The following LAMA3 variants were observed in gnomAD, a reference collection of about 807,000 sequenced individuals.
The protein encoded by LAMA3 is laminin subunit alpha 3.
In LAMA3, 281 loss-of-function variants were observed where a neutral mutation model predicts 402.0. The ratio of observed to expected loss-of-function variants is 0.70; its 90% CI spans 0.63 to 0.77. The LOEUF is 0.77. Ranked by LOEUF, LAMA3 falls within the 30% of genes least tolerant of loss-of-function variation. The probability of loss-of-function intolerance (pLI) is 0.00; values close to 1 mark genes in which losing one functional copy is unlikely to be tolerated. For missense variants in LAMA3, 3,840 were observed against 4,215.5 expected (o/e 0.91, Z 2.47); for synonymous variants, 1,431 against 1,558.4 (o/e 0.92, Z 1.93).
rs371234006 is a variant in LAMA3 at position 23,928,094 on chromosome 18, C to G, written c.8178-29C>G. On this transcript the variant is annotated intron_variant, in intron 62 of 74. Coordinates refer to ENST00000313654, the MANE Select transcript of LAMA3 (RefSeq NM_198129.4). The stretch of plus-strand genomic sequence containing the variant: ...TTCACGTGAGCCTGACATGATCCAT[C>G]TCTTCCTTTTATCTGTGTTCGTAAT... 9 of 1,478,816 alleles carry G rather than the reference C, an allele frequency of 6.1e-6. No individual in the cohort carries two copies. The African/African-American group carries it at 6.9e-5, about 11-fold the overall frequency. The allele number at this position is 1,478,816 out of a possible 1,614,324, so 91.6% of individuals were successfully genotyped here. A position where few individuals can be genotyped will look rare whatever the true frequency, so the allele number is the denominator to read the frequency against.
chr18:23,773,315 T>G (rs1490470858), intron 8 of LAMA3, among the ~76,000 whole-genome samples, 182 bp from the exon 9 acceptor site: 1 of 152,250 alleles, frequency 6.6e-6, no homozygotes, highest in African/African-American at 2.4e-5. Context: ...GAGCCAAGAT[T>G]AAGCCAATCC....
chr18:23,746,496 G>C (rs2061653337), intron 2 of LAMA3, among the ~76,000 whole-genome samples: 1 of 152,300 alleles, frequency 6.6e-6, no homozygotes, highest in African/African-American at 2.4e-5. Context: ...GAATGAAGAA[G>C]CAGGTGTGGG....
chr18:23,804,667 C>G (rs1466124186), intron 12 of LAMA3, among the ~76,000 whole-genome samples: 1 of 152,196 alleles, frequency 6.6e-6, no homozygotes, highest in African/African-American at 2.4e-5. Flanking sequence ...TGTTTGCCCC[C>G]TCCAAACCTC....
rs112846198 is a variant in LAMA3 at position 23,901,836 on chromosome 18, A to G, written c.6201+513A>G. 1.3e-3 allele frequency among the ~76,000 whole-genome samples: 191 copies of G among 152,256 alleles called. 1 individual carries two copies. Among genetic ancestry groups the G allele is most frequent in the African/African-American group, 4.1e-3 (171 of 41,560 alleles). ...GATTTTGCAGTTCATATATACATATATTTGGCGCCACCACGCCTGGCTAAT... is the reference window on the plus strand; with the variant it reads ...GATTTTGCAGTTCATATATACATATGTTTGGCGCCACCACGCCTGGCTAAT... On this transcript the variant is annotated intron_variant, in intron 48 of 74. Coordinates refer to ENST00000313654, the MANE Select transcript of LAMA3 (RefSeq NM_198129.4).
intron 40 of LAMA3, 28 bp from the exon 41 acceptor site, chr18:23,884,745 A>G (rs774572614): frequency 3.8e-6 from 6 of 1,586,344 alleles, no homozygotes; most frequent in Admixed American, 3.3e-5. Context: ...TGTGTTTTTG[A>G]TGGGGCCTTT....
intron 2 of LAMA3, among the ~76,000 whole-genome samples, chr18:23,745,733 T>G (rs1466721038): frequency 6.6e-6 from 1 of 152,260 alleles, no homozygotes; most frequent in East Asian, 1.9e-4. Flanking sequence ...TAACATGGTA[T>G]GTGGAAAGAC....
At chr18:23,794,399 A>G (rs2062722935) in intron 12 of LAMA3, among the ~76,000 whole-genome samples, 1 of 152,208 alleles carries the variant, frequency 6.6e-6, no homozygotes, top group Non-Finnish European at 1.5e-5. Flanking sequence ...GCTATATATC[A>G]TGATACCACA....
chr18:23,869,294 G>A (rs1205063525), intron 37 of LAMA3, among the ~76,000 whole-genome samples: 1 of 152,198 alleles, frequency 6.6e-6, no homozygotes, highest in African/African-American at 2.4e-5. Flanking sequence ...TAGAAACAAA[G>A]TTTTTGTATA....
chr18:23,928,586 A>T (rs774181169), intron 63 of LAMA3, 39 bp from the exon 64 acceptor site: 1 of 1,606,218 alleles, frequency 6.2e-7, no homozygotes, highest in Non-Finnish European at 8.5e-7. Context: ...CCAAGAAATG[A>T]TTACAATGCC....
chr18:23,689,955 C>G lies in LAMA3; in HGVS notation c.272C>G (p.Pro91Arg). 6.6e-7 allele frequency: 1 copy of G among 1,517,196 alleles called. No homozygotes were observed. Among genetic ancestry groups the G allele is most frequent in the Non-Finnish European group, 8.8e-7 (1 of 1,132,158 alleles). The allele number at this position is 1,517,196 out of a possible 1,614,324, so 94.0% of individuals were successfully genotyped here. A position where few individuals can be genotyped will look rare whatever the true frequency, so the allele number is the denominator to read the frequency against. ...AAGTTGGTCGGGGGCCCCACCGCCC[C>G]AGGCAGCGGCCACACCATCCAGGTG... ...YCKLVGGPTAPGSGHTIQGQF... is the reference protein window; with the variant it reads ...YCKLVGGPTARGSGHTIQGQF... Residue 91 changes from proline to arginine, a missense_variant, in exon 1 of 75, where the codon CCA (proline) becomes CGA (arginine). Transcript: ENST00000313654.
chr18:23,873,641 A>G (rs547239116), intron 38 of LAMA3, among the ~76,000 whole-genome samples: 11 of 152,242 alleles, frequency 7.2e-5, no homozygotes, highest in African/African-American at 1.4e-4. Flanking sequence ...AAGTTTGCAT[A>G]ATACCTAAAA....
At chr18:23,780,825 C>T (rs1481380272) in intron 11 of LAMA3, among the ~76,000 whole-genome samples, 2 of 152,118 alleles carry the variant, frequency 1.3e-5, no homozygotes, top group African/African-American at 4.8e-5. Flanking sequence ...TGAAGGACTT[C>T]GTATTCTGTC....
At chr18:23,709,732 G>T in intron 1 of LAMA3, 1 of 484,328 alleles carries the variant, frequency 2.1e-6, no homozygotes, top group South Asian at 1.9e-5. Context: ...GAAGTCCCAT[G>T]GATTCTTTTC....
At chr18:23,835,435 G>A (rs2144535116) in intron 24 of LAMA3, among the ~76,000 whole-genome samples, 1 of 152,266 alleles carries the variant, frequency 6.6e-6, no homozygotes, top group South Asian at 2.1e-4. Flanking sequence ...GGGCACCATG[G>A]GTGTTGTTTC....
At chr18:23,696,453 A>G (rs2060687417) in intron 1 of LAMA3, among the ~76,000 whole-genome samples, 1 of 152,206 alleles carries the variant, frequency 6.6e-6, no homozygotes, top group Non-Finnish European at 1.5e-5. Flanking sequence ...GAATAAAAAT[A>G]TAGCTGTTAA....
rs564611842 is a variant in LAMA3, at chr18:23,909,002, A to G, written c.7016-151A>G. 21 of 728,136 alleles carry G rather than the reference A, an allele frequency of 2.9e-5. No individual in the cohort carries two copies. The African/African-American group carries it at 2.9e-4, about 10-fold the overall frequency. The allele number at this position is 728,136 out of a possible 1,614,324, so 45.1% of individuals were successfully genotyped here. Reference sequence around the variant, plus strand: ...ACCTTGGGAAGTGAAACCATGGGTAAGGGGGGAACTACCGTAACTAATTAT... The same window carrying G: ...ACCTTGGGAAGTGAAACCATGGGTAGGGGGGGAACTACCGTAACTAATTAT... On this transcript the variant is annotated intron_variant, in intron 54 of 74. Transcript: ENST00000313654.
chr18:23,861,556 T>G (rs1184312418), intron 34 of LAMA3, 90 bp from the exon 35 acceptor site: 1 of 1,458,790 alleles, frequency 6.9e-7, no homozygotes, highest in Non-Finnish European at 9.6e-7. Context: ...AGGCTGCCCG[T>G]GGAGCTTTCT....
chr18:23,934,491 A>G (rs1442340182), intron 67 of LAMA3, among the ~76,000 whole-genome samples: 3 of 152,198 alleles, frequency 2.0e-5, no homozygotes, highest in Admixed American at 6.5e-5. Context: ...AGGGACTGAG[A>G]GGAAATGAAA....
At chr18:23,820,703 TG>T (rs2063268563) in intron 19 of LAMA3, among the ~76,000 whole-genome samples, 1 of 152,188 alleles carries the variant, frequency 6.6e-6, no homozygotes, top group African/African-American at 2.4e-5. Flanking sequence ...GTCTTTGAGT[TG>T]GTTTCTTCAA....
Sources: allele counts gnomAD v4.1 joint callset (sites outside exome capture counted in the v4.1 genomes callset), GRCh38; gene constraint gnomAD v4.1.1; transcripts MANE v1.5; gene names NCBI Gene and HGNC (gene_info 2026-07-23, HGNC 2026-07-21).